Variants in NKD1 observed in about 807,000 individuals in gnomAD.
NKD1 encodes the protein protein naked cuticle homolog 1.
Under a neutral mutation model 56.0 loss-of-function variants are expected in NKD1, and 21 were observed. That is an observed-to-expected ratio of 0.38 (90% CI 0.27 to 0.54). The LOEUF (loss-of-function observed/expected upper bound fraction) is 0.54, where lower values mean the gene tolerates loss of function less well. Among genes scored for constraint, NKD1 ranks in the 20% least tolerant of loss-of-function variants. The pLI is 0.82. For synonymous variants in NKD1, 263 were observed against 265.7 expected (o/e 0.99, Z 0.10); for missense variants, 578 against 642.7 (o/e 0.90, Z 1.09).
chr16:50,549,886 A>C (rs930954047), intron 3 of NKD1, among the ~76,000 whole-genome samples: 1 of 151,948 alleles, frequency 6.6e-6, no homozygotes, highest in African/African-American at 2.4e-5. Flanking sequence ...CAGCATTCAA[A>C]GGTGGAGGTG....
intron 3 of NKD1, chr16:50,555,853 C>G (rs960744928): frequency 6.6e-6 from 1 of 152,412 alleles, no homozygotes; most frequent in Admixed American, 6.5e-5. Flanking sequence ...TTCTGGCTGC[C>G]TCCCTGCCTT....
At chr16:50,615,865 C>T (rs1961948228) in intron 4 of NKD1, among the ~76,000 whole-genome samples, 1 of 152,206 alleles carries the variant, frequency 6.6e-6, no homozygotes, top group Non-Finnish European at 1.5e-5. Context: ...GCTGTGTTTA[C>T]AAACAGAGGT....
chr16:50,600,533 G>A (rs186898457), intron 3 of NKD1, among the ~76,000 whole-genome samples: 1 of 152,236 alleles, frequency 6.6e-6, no homozygotes, highest in East Asian at 1.9e-4. Flanking sequence ...TTTATGGCAA[G>A]ACTAGGTTAA....
intron 3 of NKD1, among the ~76,000 whole-genome samples, chr16:50,596,981 G>A (rs143531262): frequency 2.6e-3 from 400 of 152,298 alleles, no homozygotes; most frequent in Admixed American, 4.3e-3. Context: ...GTGGGCGAGC[G>A]GGTGAATGGG....
rs1329289193 is a variant in NKD1, at chr16:50,643,335, C to T, written c.*9554C>T. On this transcript the variant is annotated 3_prime_UTR_variant, in exon 10 of 10. Coordinates refer to ENST00000268459, the MANE Select transcript of NKD1 (RefSeq NM_033119.5). ...GTGGCTAATGCATGGTAGGATTAAA[C>T]ATAAGCCTGACATATGCTAGCCACA... 1 of 152,234 alleles carries T rather than the reference C, an allele frequency of 6.6e-6. No homozygotes were observed. Among genetic ancestry groups the T allele is most frequent in the Non-Finnish European group, 1.5e-5 (1 of 68,044 alleles). 9.4% of individuals were successfully genotyped at this position (152,234 alleles called of 1,614,324 possible).
At chr16:50,554,024 G>C (rs949124524) in intron 3 of NKD1, 1 of 152,330 alleles carries the variant, frequency 6.6e-6, no homozygotes, top group African/African-American at 2.4e-5. Context: ...TCTTCTTAGC[G>C]CTTTAATGGG....
In NKD1 at chr16:50,646,247, A is replaced by G. The variant is rs750951424; in HGVS notation, c.*12466A>G. ...AGCTTTGAACATTTTTTATGGGCAG[A>G]TAAGTGGGTCCTTTTCTTACCATAA... On this transcript the variant is annotated 3_prime_UTR_variant, in exon 10 of 10. Transcript: ENST00000268459. 1 of 152,106 alleles carries G rather than the reference A, an allele frequency of 6.6e-6. No individual in the cohort carries two copies. The highest frequency in any genetic ancestry group is 1.5e-5 in the Non-Finnish European group (1 of 68,020). 9.4% of individuals were successfully genotyped at this position (152,106 alleles called of 1,614,324 possible). A position where few individuals can be genotyped will look rare whatever the true frequency, so the allele number is the denominator to read the frequency against.
intron 4 of NKD1, chr16:50,615,915 A>G: frequency 2.6e-6 from 1 of 391,478 alleles, no homozygotes; most frequent in East Asian, 7.3e-5. Context: ...AGAGCCTGAT[A>G]CAGATACTGC....
chr16:50,566,632 A>G (rs901301744), intron 3 of NKD1, among the ~76,000 whole-genome samples: 3 of 152,232 alleles, frequency 2.0e-5, no homozygotes, highest in African/African-American at 4.8e-5. Flanking sequence ...ACAGCTGTGG[A>G]TGGCCTGGTC....
In NKD1 at chr16:50,548,577, G is replaced by A. The variant is rs1465414135; in HGVS notation, c.24G>A (p.Pro8=). 22 of 1,468,144 alleles carry A rather than the reference G, an allele frequency of 1.5e-5. No individual in the cohort carries two copies. The South Asian group carries it at 2.3e-4, about 15-fold the overall frequency. 90.9% of individuals were successfully genotyped at this position (1,468,144 alleles called of 1,614,324 possible). MGKLHSK[P]AAVCKRRESP... ...GCATGGGGAAACTTCACTCCAAGCC[G>A]GGTCAGTGCCCCCGCCCGCGCGCTC... Residue 8 remains proline (P), a splice_region_variant and synonymous_variant, in exon 1 of 10, where the codon CCG becomes CCA. Transcript: ENST00000268459.
At chr16:50,592,217 G>T (rs1237923881) in intron 3 of NKD1, among the ~76,000 whole-genome samples, 1 of 152,244 alleles carries the variant, frequency 6.6e-6, no homozygotes, top group Non-Finnish European at 1.5e-5. Context: ...CCCAAGGCCA[G>T]CGCGTTGCTG....
rs1432853778 is a variant in NKD1, at chr16:50,648,868, C to T, written c.*15087C>T. On this transcript the variant is annotated 3_prime_UTR_variant, in exon 10 of 10. Transcript: ENST00000268459. Reference sequence around the variant, plus strand: ...GATGTGATGGCTGGAATTCCAGTCACCATTTTGGACCATGAGGACAACACC... The same window carrying T: ...GATGTGATGGCTGGAATTCCAGTCATCATTTTGGACCATGAGGACAACACC... 6.6e-6 allele frequency: 1 copy of T among 152,204 alleles called. No homozygotes were observed. The highest frequency in any genetic ancestry group is 2.4e-5 in the African/African-American group (1 of 41,430). 9.4% of individuals were successfully genotyped at this position (152,204 alleles called of 1,614,324 possible). A position where few individuals can be genotyped will look rare whatever the true frequency, so the allele number is the denominator to read the frequency against.
rs940051306 is a variant in NKD1, at chr16:50,642,385, AGTCTGAGAAG to A, written c.*8607_*8616del. The A allele has an allele frequency of 6.6e-6, 1 of 152,230 alleles. No individual in the cohort carries two copies. The highest frequency in any genetic ancestry group is 2.4e-5 in the African/African-American group (1 of 41,440). The allele number at this position is 152,230 out of a possible 1,614,324, so 9.4% of individuals were successfully genotyped here. On this transcript the variant is annotated 3_prime_UTR_variant, in exon 10 of 10. Coordinates refer to ENST00000268459, the MANE Select transcript of NKD1 (RefSeq NM_033119.5). ...CCTGTGCACTTGGCTTCATGGATAGAGTCTGAGAAGGTTGCAGGATCCAGTAGCTGGACCA... is the reference window on the plus strand; with the variant it reads ...CCTGTGCACTTGGCTTCATGGATAGAGTTGCAGGATCCAGTAGCTGGACCA...
chr16:50,606,702 G>C (rs1362079749), intron 3 of NKD1: 2 of 434,506 alleles, frequency 4.6e-6, no homozygotes, highest in Non-Finnish European at 9.6e-6. Flanking sequence ...GCTGTCACCC[G>C]GCTGCAGTGC....
chr16:50,562,983 A>ACCCCCCCCCCC (rs1483596865), intron 3 of NKD1, among the ~76,000 whole-genome samples: 44 of 53,496 alleles, frequency 8.2e-4, no homozygotes, highest in African/African-American at 1.9e-3. Flanking sequence ...AGGTCCCACC[A>ACCCCCCCCCCC]CCACCCCCCC....
intron 3 of NKD1, among the ~76,000 whole-genome samples, chr16:50,570,341 T>C (rs1960854098): frequency 6.6e-6 from 1 of 152,206 alleles, no homozygotes; most frequent in Non-Finnish European, 1.5e-5. Flanking sequence ...TCTTAGTCTT[T>C]TTAAGTATAA....
intron 3 of NKD1, among the ~76,000 whole-genome samples, chr16:50,600,853 C>A (rs1022339218): frequency 6.6e-6 from 1 of 152,220 alleles, no homozygotes; most frequent in African/African-American, 2.4e-5. Flanking sequence ...CCGTCCCACT[C>A]CTTGCTGGCT....
At chr16:50,627,784 G>T (rs1962256026) in intron 6 of NKD1, among the ~76,000 whole-genome samples, 1 of 152,200 alleles carries the variant, frequency 6.6e-6, no homozygotes, top group Non-Finnish European at 1.5e-5. Flanking sequence ...TTTCAAGCTA[G>T]AATTGCCAAA....
chr16:50,580,800 C>G (rs548487550), intron 3 of NKD1, among the ~76,000 whole-genome samples: 2 of 152,344 alleles, frequency 1.3e-5, no homozygotes, highest in Admixed American at 6.5e-5. Flanking sequence ...TGGCTGTGCT[C>G]TTGGACAGGG....
Sources: gnomAD v4.1 joint callset for allele counts (sites outside exome capture counted in the v4.1 genomes callset) on GRCh38, gnomAD v4.1.1 for gene constraint, MANE v1.5 for transcripts, NCBI Gene and HGNC (gene_info 2026-07-23, HGNC 2026-07-21) for gene names.